C12orf42: variants seen among roughly 807,000 people sequenced by gnomAD.
The protein encoded by C12orf42 is uncharacterized protein C12orf42.
Under a neutral mutation model 21.6 loss-of-function variants are expected in C12orf42, and 25 were observed. The observed-to-expected ratio is 1.16, with a 90% CI of 0.84 to 1.62. C12orf42 has a LOEUF of 1.62. Among genes scored for constraint, C12orf42 ranks in the 40% most tolerant of loss-of-function variants. The pLI is 0.00. For missense variants in C12orf42, 483 were observed against 459.3 expected (o/e 1.05, Z -0.47); for synonymous variants, 174 against 175.0 (o/e 0.99, Z 0.05).
chr12:103,164,157 C>T, the C12orf42 span, among the ~76,000 whole-genome samples: 1 of 152,200 alleles, frequency 6.6e-6, no homozygotes, highest in African/African-American at 2.4e-5. Context: ...ACAATGAACA[C>T]TAATGTATGG....
At chr12:103,353,146 T>A (rs1288269244) in intron 4 of C12orf42, among the ~76,000 whole-genome samples, 1 of 152,108 alleles carries the variant, frequency 6.6e-6, no homozygotes, top group Admixed American at 6.5e-5. Context: ...ACACCTTGAG[T>A]TTTCCCTAAG....
chr12:103,317,055 G>C (rs1484578708), intron 4 of C12orf42, among the ~76,000 whole-genome samples: 1 of 152,162 alleles, frequency 6.6e-6, no homozygotes, highest in Non-Finnish European at 1.5e-5. Context: ...TGGCAAACAA[G>C]TTTTGTCTCA....
intron 10 of C12orf42, among the ~76,000 whole-genome samples, chr12:103,242,345 T>C (rs2033788720): frequency 6.6e-6 from 1 of 152,180 alleles, no homozygotes; most frequent in South Asian, 2.1e-4. Flanking sequence ...AGACTTCAAT[T>C]CAGCCTCAAT....
At chr12:103,464,146 C>A (rs1055421706) in intron 2 of C12orf42, among the ~76,000 whole-genome samples, 1 of 152,174 alleles carries the variant, frequency 6.6e-6, no homozygotes, top group African/African-American at 2.4e-5. Flanking sequence ...TGAGGAATCA[C>A]CACACTGTCT....
chr12:103,215,266 GATT>G, the C12orf42 span, among the ~76,000 whole-genome samples: 837 of 151,722 alleles, frequency 5.5e-3, 5 homozygotes, highest in African/African-American at 0.019. Context: ...TAATAATAAT[GATT>G]ATACCAATAC....
the C12orf42 span, among the ~76,000 whole-genome samples, chr12:103,104,512 C>T: frequency 1.3e-5 from 2 of 152,336 alleles, no homozygotes; most frequent in Admixed American, 1.3e-4. Flanking sequence ...ACAATCTCAG[C>T]TCTCTGCATC....
At chr12:103,430,420 C>T (rs1453663548) in intron 2 of C12orf42, among the ~76,000 whole-genome samples, 4 of 152,208 alleles carry the variant, frequency 2.6e-5, no homozygotes, top group African/African-American at 7.2e-5. Flanking sequence ...GAGATACCAT[C>T]TCACACCAGT....
the C12orf42 span, chr12:103,151,905 G>A: frequency 6.6e-6 from 1 of 152,148 alleles, no homozygotes; most frequent in African/African-American, 2.4e-5. Context: ...TTAATTGAAA[G>A]GCAGATTACC....
At chr12:103,111,931 C>A in the C12orf42 span, among the ~76,000 whole-genome samples, 1 of 152,162 alleles carries the variant, frequency 6.6e-6, no homozygotes, top group Non-Finnish European at 1.5e-5. Context: ...TAAGAACAAA[C>A]CCTGTCTATT....
the C12orf42 span, among the ~76,000 whole-genome samples, chr12:103,056,593 G>C: frequency 1.3e-5 from 2 of 151,892 alleles, no homozygotes; most frequent in Admixed American, 6.6e-5. Flanking sequence ...TAGATTTTTT[G>C]TTATAGTCCC....
intron 4 of C12orf42, among the ~76,000 whole-genome samples, chr12:103,329,393 A>C (rs1566089942): frequency 6.6e-6 from 1 of 152,106 alleles, no homozygotes; most frequent in East Asian, 1.9e-4. Context: ...GGTGGAGAGC[A>C]AGGAGAGGGA....
chr12:103,113,660 C>T, the C12orf42 span, among the ~76,000 whole-genome samples: 33 of 152,274 alleles, frequency 2.2e-4, no homozygotes, highest in African/African-American at 7.5e-4. Context: ...ACCCCACCAA[C>T]AAAGAATCAT....
At chr12:103,113,733 A>G in the C12orf42 span, among the ~76,000 whole-genome samples, 1 of 152,220 alleles carries the variant, frequency 6.6e-6, no homozygotes, top group Non-Finnish European at 1.5e-5. Flanking sequence ...GTAAAGTTTA[A>G]TAATGGAAAT....
At chr12:103,284,081 T>C (rs2036292591) in intron 4 of C12orf42, among the ~76,000 whole-genome samples, 1 of 152,146 alleles carries the variant, frequency 6.6e-6, no homozygotes, top group South Asian at 2.1e-4. Flanking sequence ...ATAGAACTTA[T>C]CCCAAGTTCT....
chr12:103,094,882 T>C, the C12orf42 span, among the ~76,000 whole-genome samples: 23,098 of 152,208 alleles, frequency 0.15, 2,251 homozygotes, highest in East Asian at 0.51. Flanking sequence ...CTAAGTAGTG[T>C]TGAGTATAAA....
the C12orf42 span, among the ~76,000 whole-genome samples, chr12:103,502,845 G>A: frequency 2.6e-5 from 4 of 152,216 alleles, no homozygotes; most frequent in African/African-American, 4.8e-5. Context: ...GGAAAGGAAA[G>A]AATGGTAGGC....
chr12:103,372,681 C>G (rs1029143803), intron 3 of C12orf42, among the ~76,000 whole-genome samples: 12 of 152,106 alleles, frequency 7.9e-5, no homozygotes, highest in African/African-American at 2.9e-4. Flanking sequence ...CTTTTTATCT[C>G]TTGCCCTCAA....
chr12:103,322,105 GCGTGC>G (rs1264855654), intron 4 of C12orf42, among the ~76,000 whole-genome samples: 3 of 126,854 alleles, frequency 2.4e-5, no homozygotes, highest in Admixed American at 7.8e-5. Flanking sequence ...ATGTGCACGC[GCGTGC>G]GTGCGCGCGC....
intron 2 of C12orf42, 89 bp from the exon 3 acceptor site, chr12:103,401,764 C>G (rs1028752839): frequency 3.2e-6 from 4 of 1,231,834 alleles, no homozygotes; most frequent in African/African-American, 1.5e-5. Context: ...TTAGGCAGAT[C>G]AGAAGCTAAT....
Sources: allele counts gnomAD v4.1 joint callset (sites outside exome capture counted in the v4.1 genomes callset), GRCh38; gene constraint gnomAD v4.1.1; transcripts MANE v1.5; gene names NCBI Gene and HGNC (gene_info 2026-07-23, HGNC 2026-07-21).